PHF20L1: variants seen among roughly 807,000 people sequenced by gnomAD.
PHF20L1 encodes the protein PHD finger protein 20 like 1.
PHF20L1 carries 44 observed loss-of-function variants against 125.5 expected under a neutral mutation model. The ratio of observed to expected loss-of-function variants is 0.35; its 90% CI spans 0.28 to 0.45. The LOEUF is 0.45. Ranked by LOEUF, PHF20L1 falls within the 20% of genes least tolerant of loss-of-function variation. The pLI, the probability that PHF20L1 is intolerant of heterozygous loss-of-function variation, is 1.00. For synonymous variants in PHF20L1, 380 were observed against 403.1 expected, an observed-to-expected ratio of 0.94 and a Z score of 0.69; for missense variants, 1,012 against 1,217.2, an observed-to-expected ratio of 0.83 and a Z score of 2.51.
chr8:132,798,984 C>T, intron 5 of PHF20L1, 111 bp from the exon 6 acceptor site: 1 of 1,097,130 alleles, frequency 9.1e-7, no homozygotes, highest in Non-Finnish European at 1.3e-6. Context: ...GCTGATAGCC[C>T]CAAATAGCAG....
At position 132,832,279 on chromosome 8, in the gene PHF20L1, T is replaced by C; in HGVS notation, c.1789T>C (p.Cys597Arg). Reference protein sequence around the residue: ...EDSSLEFLERCSSPLTRSSGS... With the variant: ...EDSSLEFLERRSSPLTRSSGS... ...CAGTTCCCTCGAATTTTTGGAAAGGTGCTCTTCTCCACTAACTCGATCTTC... is the reference window on the plus strand; with the variant it reads ...CAGTTCCCTCGAATTTTTGGAAAGGCGCTCTTCTCCACTAACTCGATCTTC... Residue 597 changes from cysteine to arginine, a missense_variant, in exon 15 of 21, where the codon TGC becomes CGC. Coordinates refer to ENST00000395386, the MANE Select transcript of PHF20L1 (RefSeq NM_016018.5). 1 of 1,606,320 alleles carries C rather than the reference T, an allele frequency of 6.2e-7. No individual in the cohort carries two copies. The highest frequency in any genetic ancestry group is 8.5e-7 in the Non-Finnish European group (1 of 1,173,240).
intron 14 of PHF20L1, among the ~76,000 whole-genome samples, chr8:132,830,585 G>A (rs1292295256): frequency 5.9e-5 from 9 of 151,706 alleles, no homozygotes; most frequent in Admixed American, 4.6e-4. Flanking sequence ...CCTAACCTGC[G>A]TCACTTGACA....
intron 1 of PHF20L1, among the ~76,000 whole-genome samples, chr8:132,776,416 C>A (rs754135617): frequency 5.3e-5 from 8 of 152,156 alleles, no homozygotes; most frequent in Non-Finnish European, 1.2e-4. Flanking sequence ...TAAGTAACTG[C>A]CTTACGTGTT....
At chr8:132,819,123 G>A (rs761881196) in intron 12 of PHF20L1, among the ~76,000 whole-genome samples, 3 of 151,974 alleles carry the variant, frequency 2.0e-5, no homozygotes, top group Non-Finnish European at 2.9e-5. Context: ...TGGCAATGTG[G>A]CTGACTACCT....
At chr8:132,782,707 A>G (rs1371868419) in intron 2 of PHF20L1, among the ~76,000 whole-genome samples, 6 of 150,774 alleles carry the variant, frequency 4.0e-5, no homozygotes, top group Admixed American at 6.6e-5. Context: ...TCCTGCTTCA[A>G]CCTCCCAAGT....
rs746638856 is a variant in PHF20L1, at chr8:132,814,906, A to T, written c.1183+17A>T. On this transcript the variant is annotated intron_variant, in intron 10 of 20. Coordinates refer to ENST00000395386, the MANE Select transcript of PHF20L1 (RefSeq NM_016018.5). The stretch of plus-strand genomic sequence containing the variant: ...ATAAAACTAGTGAGCACAGATTTTT[A>T]AAAAATAGTTATTTATCCTATAAGA... 4.6e-6 allele frequency: 7 copies of T among 1,532,988 alleles called. No homozygotes were observed. Among genetic ancestry groups the T allele is most frequent in the African/African-American group, 2.8e-5 (2 of 72,150 alleles). 95.0% of individuals were successfully genotyped at this position (1,532,988 alleles called of 1,614,324 possible).
chr8:132,823,105 T>TTTTATTGGAATA (rs1233336636), intron 12 of PHF20L1, among the ~76,000 whole-genome samples: 6 of 152,088 alleles, frequency 3.9e-5, no homozygotes, highest in Non-Finnish European at 7.4e-5. Flanking sequence ...AATACCTATG[T>TTTTATTGGAATA]TTTATTGGAA....
chr8:132,824,100 G>C (rs374548683), intron 13 of PHF20L1, 40 bp downstream of exon 13: 1 of 1,281,790 alleles, frequency 7.8e-7, no homozygotes, highest in Non-Finnish European at 1.1e-6. Flanking sequence ...AGACTATAAA[G>C]CTTGACAGAG....
chr8:132,794,393 G>A lies in PHF20L1; in HGVS notation c.84-17G>A. On this transcript the variant is annotated splice_polypyrimidine_tract_variant and intron_variant, in intron 2 of 20. Transcript: ENST00000395386. Reference sequence around the variant, plus strand: ...TATAAGGATTTTCTCTTTATATGAAGCATTTTGATTTTTGAGGTATCCATC... The same window carrying A: ...TATAAGGATTTTCTCTTTATATGAAACATTTTGATTTTTGAGGTATCCATC... The A allele has an allele frequency of 6.6e-7, 1 of 1,525,384 alleles. No individual in the cohort carries two copies. Among genetic ancestry groups the A allele is most frequent in the African/African-American group, 1.4e-5 (1 of 73,042 alleles). The allele number at this position is 1,525,384 out of a possible 1,614,324, so 94.5% of individuals were successfully genotyped here.
chr8:132,794,690 A>G (rs1486242943), intron 3 of PHF20L1, 43 bp from the exon 4 acceptor site: 2 of 1,510,882 alleles, frequency 1.3e-6, no homozygotes, highest in South Asian at 1.2e-5. Context: ...AGAAATGCTT[A>G]TTTAATATAC....
intron 15 of PHF20L1, among the ~76,000 whole-genome samples, chr8:132,832,629 T>TAG (rs1157841441): frequency 2.3e-4 from 35 of 152,228 alleles, no homozygotes; most frequent in African/African-American, 6.3e-4. Context: ...GTGTATATAC[T>TAG]TCTGTAGGTT....
In PHF20L1 at chr8:132,847,502, G is replaced by C. The variant is rs942860131; in HGVS notation, c.*1579G>C. 2.6e-5 allele frequency: 4 copies of C among 152,542 alleles called. No homozygotes were observed. The highest frequency in any genetic ancestry group is 9.7e-5 in the African/African-American group (4 of 41,444). 9.4% of individuals were successfully genotyped at this position (152,542 alleles called of 1,614,324 possible). On this transcript the variant is annotated 3_prime_UTR_variant, in exon 21 of 21. Coordinates refer to ENST00000395386, the MANE Select transcript of PHF20L1 (RefSeq NM_016018.5). ...AAGAATACATGCCACTGTACATTCA[G>C]ATATTATTTAAATTTGCAAACACAT...
At chr8:132,791,819 C>A (rs948897226) in intron 2 of PHF20L1, among the ~76,000 whole-genome samples, 2 of 152,146 alleles carry the variant, frequency 1.3e-5, no homozygotes, top group African/African-American at 4.8e-5. Context: ...GTAGAGAGTA[C>A]AGCATGCTAT....
At chr8:132,839,328 T>A (rs1425429025) in intron 17 of PHF20L1, 59 bp from the exon 18 acceptor site, 6 of 1,321,096 alleles carry the variant, frequency 4.5e-6, no homozygotes, top group Non-Finnish European at 6.5e-6. Flanking sequence ...AGGTTAGCAG[T>A]TGATGAAAAA....
chr8:132,788,168 G>A (rs1352713227), intron 2 of PHF20L1, among the ~76,000 whole-genome samples: 1 of 152,026 alleles, frequency 6.6e-6, no homozygotes, highest in African/African-American at 2.4e-5. Flanking sequence ...CTCTTTCTGT[G>A]TGCTAGCATA....
intron 18 of PHF20L1, chr8:132,842,237 AT>A: frequency 3.8e-6 from 1 of 264,228 alleles, no homozygotes; most frequent in Non-Finnish European, 7.0e-6. Flanking sequence ...GAAAATGACA[AT>A]GACAAATCAG....
At chr8:132,829,478 T>A (rs1836537257) in intron 14 of PHF20L1, among the ~76,000 whole-genome samples, 1 of 152,114 alleles carries the variant, frequency 6.6e-6, no homozygotes, top group African/African-American at 2.4e-5. Flanking sequence ...ATTTAATAAA[T>A]GTCCTTTCCA....
At chr8:132,796,649 A>G (rs1832423290) in intron 4 of PHF20L1, among the ~76,000 whole-genome samples, 1 of 152,068 alleles carries the variant, frequency 6.6e-6, no homozygotes, top group Admixed American at 6.6e-5. Context: ...TTAGGTGTGC[A>G]GGCTGTTTCT....
Position 132,846,091 on chromosome 8 carries a change from A to G in PHF20L1, c.*168A>G. On this transcript the variant is annotated 3_prime_UTR_variant, in exon 21 of 21. Coordinates refer to ENST00000395386, the MANE Select transcript of PHF20L1 (RefSeq NM_016018.5). ...GGAAAGAAAAATGAAGAACAACTTT[A>G]TCAAGGAAGCTAGTATTTAAAAACA... The G allele has an allele frequency of 1.9e-6, 1 of 533,870 alleles. No individual in the cohort carries two copies. The highest frequency in any genetic ancestry group is 3.3e-5 in the South Asian group (1 of 30,020). The allele number at this position is 533,870 out of a possible 1,614,324, so 33.1% of individuals were successfully genotyped here.
Sources: allele counts gnomAD v4.1 joint callset (sites outside exome capture counted in the v4.1 genomes callset), GRCh38; gene constraint gnomAD v4.1.1; transcripts MANE v1.5; gene names NCBI Gene and HGNC (gene_info 2026-07-23, HGNC 2026-07-21).